Variants in KIF16B observed in about 807,000 individuals in gnomAD.
The protein encoded by KIF16B is kinesin-like protein KIF16B.
In KIF16B, 98 loss-of-function variants were observed where a neutral mutation model predicts 156.3. The observed-to-expected ratio is 0.63, with a 90% CI of 0.53 to 0.74. The LOEUF (loss-of-function observed/expected upper bound fraction) is 0.74, where lower values mean the gene tolerates loss of function less well. Ranked by LOEUF, KIF16B falls within the 30% of genes least tolerant of loss-of-function variation. KIF16B has a pLI of 0.00. For missense variants in KIF16B, 1,421 were observed against 1,606.5 expected (o/e 0.88, Z 1.97); for synonymous variants, 564 against 583.7 (o/e 0.97, Z 0.49).
intron 12 of KIF16B, among the ~76,000 whole-genome samples, chr20:16,487,845 CCAT>C (rs2068167881): frequency 6.6e-6 from 1 of 152,120 alleles, no homozygotes; most frequent in African/African-American, 2.4e-5. Flanking sequence ...CATTAGGATC[CCAT>C]CATCACATGG....
chr20:16,301,658 T>G (rs928307246), intron 25 of KIF16B, among the ~76,000 whole-genome samples: 3 of 152,078 alleles, frequency 2.0e-5, no homozygotes, highest in African/African-American at 7.2e-5. Flanking sequence ...CTTTTGCCCA[T>G]TTTTTTCTTT....
chr20:16,373,408 A>T (rs1234872312), intron 20 of KIF16B, among the ~76,000 whole-genome samples: 2 of 152,334 alleles, frequency 1.3e-5, no homozygotes, highest in East Asian at 3.9e-4. Context: ...GTTTAAATGG[A>T]GTGAAGAAGG....
At chr20:16,414,438 C>T (rs2066036314) in intron 15 of KIF16B, among the ~76,000 whole-genome samples, 1 of 152,070 alleles carries the variant, frequency 6.6e-6, no homozygotes, top group African/African-American at 2.4e-5. Context: ...GCTACGTTGA[C>T]CTTGTCCCTT....
At chr20:16,296,771 G>A (rs1413978907) in intron 25 of KIF16B, among the ~76,000 whole-genome samples, 1 of 152,234 alleles carries the variant, frequency 6.6e-6, no homozygotes, top group Non-Finnish European at 1.5e-5. Flanking sequence ...AATTTTATGT[G>A]TTAGATTGGC....
At chr20:16,528,255 G>A in intron 2 of KIF16B, 116 bp downstream of exon 2, 1 of 750,562 alleles carries the variant, frequency 1.3e-6, no homozygotes, top group Non-Finnish European at 2.3e-6. Flanking sequence ...GTGGCTAACT[G>A]CACTGGAAAG....
intron 1 of KIF16B, among the ~76,000 whole-genome samples, chr20:16,538,085 C>T (rs1372203617): frequency 1.3e-5 from 2 of 152,114 alleles, no homozygotes; most frequent in African/African-American, 2.4e-5. Context: ...ACAACACCCC[C>T]TCATACACCT....
intron 23 of KIF16B, among the ~76,000 whole-genome samples, chr20:16,354,103 G>T (rs2064390565): frequency 1.3e-5 from 2 of 152,176 alleles, no homozygotes; most frequent in Non-Finnish European, 2.9e-5. Flanking sequence ...TAACTTGCAT[G>T]GGCAGTAGCA....
chr20:16,391,221 G>A (rs1194007236), intron 17 of KIF16B, among the ~76,000 whole-genome samples: 2 of 152,110 alleles, frequency 1.3e-5, no homozygotes, highest in Non-Finnish European at 2.9e-5. Context: ...AAATAACAGG[G>A]AAGTTAGACT....
chr20:16,534,733 T>G (rs1016983990), intron 1 of KIF16B, among the ~76,000 whole-genome samples: 1 of 152,162 alleles, frequency 6.6e-6, no homozygotes, highest in African/African-American at 2.4e-5. Context: ...TGCATATTCT[T>G]ATCCAGTTTT....
chr20:16,528,791 C>A (rs1233636909), intron 1 of KIF16B, among the ~76,000 whole-genome samples: 1 of 151,924 alleles, frequency 6.6e-6, no homozygotes, highest in Non-Finnish European at 1.5e-5. Flanking sequence ...GAGAAAGAGA[C>A]CTTAGCCCCC....
chr20:16,365,233 TA>T (rs1337097076), intron 22 of KIF16B, among the ~76,000 whole-genome samples: 1 of 152,072 alleles, frequency 6.6e-6, no homozygotes. Flanking sequence ...TTTAAAAAGT[TA>T]AAAAAATAAA....
intron 3 of KIF16B, 152 bp from the exon 4 acceptor site, chr20:16,515,816 T>C (rs1394877739): frequency 8.2e-6 from 4 of 486,334 alleles, no homozygotes; most frequent in South Asian, 7.8e-5. Flanking sequence ...CAACAACATA[T>C]GTAGACACCA....
At chr20:16,473,129 C>T (rs967972288) in intron 12 of KIF16B, among the ~76,000 whole-genome samples, 3 of 152,104 alleles carry the variant, frequency 2.0e-5, no homozygotes, top group African/African-American at 7.2e-5. Context: ...CTTCTTAAGT[C>T]CTGGACACCA....
chr20:16,371,701 A>T lies in KIF16B; in HGVS notation c.3411T>A (p.Ile1137=). The T allele has an allele frequency of 1.9e-6, 3 of 1,613,844 alleles. No individual in the cohort carries two copies. Among genetic ancestry groups the T allele is most frequent in the Non-Finnish European group, 2.5e-6 (3 of 1,179,800 alleles). ...QRRLQDLHRV[I]SEGCSTSADT... is the part of the protein sequence containing the mutation. ...CTGCAGATGTACTGCAGCCTTCACT[A>T]ATCACACGATGCAAATCCTGAAGGC... The change falls in exon 21 of 26, where the codon ATT becomes ATA. Residue 1137 remains isoleucine, a synonymous_variant. Coordinates refer to ENST00000354981, the MANE Select transcript of KIF16B (RefSeq NM_024704.5).
At chr20:16,509,611 C>T (rs936890082) in intron 6 of KIF16B, among the ~76,000 whole-genome samples, 48 of 152,226 alleles carry the variant, frequency 3.2e-4, no homozygotes, top group African/African-American at 1.2e-3. Flanking sequence ...TCTGTATTTC[C>T]GTTTCTACAA....
intron 1 of KIF16B, among the ~76,000 whole-genome samples, chr20:16,567,689 G>A (rs548795044): frequency 2.6e-5 from 4 of 152,266 alleles, no homozygotes; most frequent in Admixed American, 2.0e-4. Flanking sequence ...GGCAGCTCAC[G>A]CCTGTAATAC....
intron 1 of KIF16B, among the ~76,000 whole-genome samples, chr20:16,550,812 T>A (rs975463323): frequency 6.6e-6 from 1 of 152,128 alleles, no homozygotes; most frequent in African/African-American, 2.4e-5. Flanking sequence ...ATTACAGGCA[T>A]GAGCCACCAC....
chr20:16,509,681 C>T (rs1001897356), intron 6 of KIF16B, among the ~76,000 whole-genome samples: 17 of 152,268 alleles, frequency 1.1e-4, no homozygotes, highest in African/African-American at 3.9e-4. Context: ...TCTGTCCTTA[C>T]TGATTTATAG....
intron 17 of KIF16B, among the ~76,000 whole-genome samples, chr20:16,382,774 A>C (rs2065130000): frequency 6.6e-6 from 1 of 151,282 alleles, no homozygotes; most frequent in South Asian, 2.1e-4. Flanking sequence ...CCCTTGAACT[A>C]TATAATTCTT....
Sources: gnomAD v4.1 joint callset for allele counts (sites outside exome capture counted in the v4.1 genomes callset) on GRCh38, gnomAD v4.1.1 for gene constraint, MANE v1.5 for transcripts, NCBI Gene and HGNC (gene_info 2026-07-23, HGNC 2026-07-21) for gene names.